Variants in MACROD2 observed in about 807,000 individuals in gnomAD.
The protein encoded by MACROD2 is ADP-ribose glycohydrolase MACROD2.
A neutral mutation model predicts 70.4 loss-of-function variants in MACROD2; 36 were observed. The ratio of observed to expected loss-of-function variants is 0.51; its 90% CI spans 0.39 to 0.68. The LOEUF is 0.68. Among genes scored for constraint, MACROD2 ranks in the 30% least tolerant of loss-of-function variants. MACROD2 has a pLI of 0.00. For synonymous variants in MACROD2, 172 were observed against 178.8 expected, an observed-to-expected ratio of 0.96 and a Z score of 0.30; for missense variants, 496 against 538.4, an observed-to-expected ratio of 0.92 and a Z score of 0.78.
At chr20:15,925,401 A>C (rs1162829794) in intron 10 of MACROD2, among the ~76,000 whole-genome samples, 1 of 152,238 alleles carries the variant, frequency 6.6e-6, no homozygotes, top group Non-Finnish European at 1.5e-5. Context: ...TTTATAAAGT[A>C]CTTGGAAATC....
chr20:15,174,497 A>G lies in MACROD2; in HGVS notation c.419-55443A>G, dbSNP rs1321838812. On this transcript the variant is annotated intron_variant, in intron 5 of 17. Transcript: ENST00000684519. ...ATGTGTCTTTATAGCAGCATGATTT[A>G]TAGTCCTTTGGGTATATGCCCAGTA... 2.6e-5 allele frequency among the ~76,000 whole-genome samples: 4 copies of G among 152,170 alleles called. No individual in the cohort carries two copies. The East Asian group carries it at 5.8e-4, about 22-fold the overall frequency.
intron 6 of MACROD2, among the ~76,000 whole-genome samples, chr20:15,313,185 G>A (rs1019100238): frequency 1.3e-5 from 2 of 151,972 alleles, no homozygotes; most frequent in Non-Finnish European, 2.9e-5. Context: ...AGTTTTCACT[G>A]AAAAAATGGA....
intron 4 of MACROD2, among the ~76,000 whole-genome samples, chr20:14,542,353 A>C (rs1568662131): frequency 6.6e-6 from 1 of 152,208 alleles, no homozygotes; most frequent in Non-Finnish European, 1.5e-5. Flanking sequence ...TTAAGGAAAA[A>C]CTATGTTCTT....
At chr20:15,492,385 G>A (rs1053643072) in intron 7 of MACROD2, among the ~76,000 whole-genome samples, 1 of 152,132 alleles carries the variant, frequency 6.6e-6, no homozygotes, top group African/African-American at 2.4e-5. Context: ...TCCCGTGCAT[G>A]GTAGGGTGTG....
chr20:14,737,595 C>T (rs1455243396), intron 5 of MACROD2, among the ~76,000 whole-genome samples: 2 of 152,194 alleles, frequency 1.3e-5, no homozygotes, highest in African/African-American at 4.8e-5. Context: ...TCCTATTTCT[C>T]CACATCCTCT....
Position 15,212,513 on chromosome 20 carries a change from C to T in MACROD2, c.419-17427C>T, listed in dbSNP as rs138206116. Among the ~76,000 whole-genome samples, 29 of 152,260 alleles carry T rather than the reference C, an allele frequency of 1.9e-4. No individual in the cohort carries two copies. The East Asian group carries it at 5.6e-3, about 29-fold the overall frequency. ...TACTTTTGGACAAGTTTTGCTTCCA[C>T]ATGGAAGGATTTAAAATGATAGCTT... is the stretch of plus-strand genomic sequence containing the variant. On this transcript the variant is annotated intron_variant, in intron 5 of 17. Coordinates refer to ENST00000684519, the MANE Select transcript of MACROD2 (RefSeq NM_001351661.2).
At chr20:14,630,242 G>A (rs1173318827) in intron 4 of MACROD2, among the ~76,000 whole-genome samples, 1 of 152,090 alleles carries the variant, frequency 6.6e-6, no homozygotes, top group Non-Finnish European at 1.5e-5. Flanking sequence ...GTAATTGGGG[G>A]ATCTGGGTCA....
chr20:14,769,351 A>G (rs1317924748), intron 5 of MACROD2, among the ~76,000 whole-genome samples: 3 of 152,264 alleles, frequency 2.0e-5, no homozygotes, highest in African/African-American at 7.2e-5. Context: ...CTGTCTTGGC[A>G]GGAAGAGAAA....
intron 3 of MACROD2, among the ~76,000 whole-genome samples, chr20:14,366,483 C>T (rs1292014138): frequency 2.0e-5 from 3 of 151,678 alleles, no homozygotes; most frequent in African/African-American, 7.3e-5. Flanking sequence ...TCCCTTGCCT[C>T]AGCCTCCCAA....
chr20:15,374,043 G>A (rs912576175), intron 6 of MACROD2, among the ~76,000 whole-genome samples: 4 of 151,812 alleles, frequency 2.6e-5, no homozygotes, highest in African/African-American at 9.7e-5. Flanking sequence ...GTCAACTCTG[G>A]AAAATGCTCA....
intron 8 of MACROD2, among the ~76,000 whole-genome samples, chr20:15,683,987 C>T (rs2050194423): frequency 1.3e-5 from 2 of 152,108 alleles, no homozygotes; most frequent in African/African-American, 4.8e-5. Context: ...CTTCTTCCTA[C>T]CACCCAAATG....
At chr20:15,377,277 C>T (rs542656339) in intron 6 of MACROD2, among the ~76,000 whole-genome samples, 9 of 152,052 alleles carry the variant, frequency 5.9e-5, no homozygotes, top group African/African-American at 2.2e-4. Context: ...AGTTAGATTT[C>T]TAGAGTCTCT....
chr20:14,708,713 G>A (rs941848075), intron 5 of MACROD2, among the ~76,000 whole-genome samples: 16 of 152,236 alleles, frequency 1.1e-4, no homozygotes, highest in African/African-American at 3.9e-4. Context: ...CCCCTCCCAC[G>A]TTCAAGCGAT....
chr20:14,851,008 G>C (rs1243562885), intron 5 of MACROD2, among the ~76,000 whole-genome samples: 1 of 151,886 alleles, frequency 6.6e-6, no homozygotes, highest in Non-Finnish European at 1.5e-5. Flanking sequence ...TGTTGTGATA[G>C]GACATACCTT....
intron 13 of MACROD2, among the ~76,000 whole-genome samples, chr20:15,972,932 T>C (rs888667571): frequency 1.3e-5 from 2 of 152,078 alleles, no homozygotes; most frequent in Non-Finnish European, 2.9e-5. Context: ...TGAAAGCATA[T>C]ATTATTTATT....
chr20:15,892,526 C>T (rs890292567), intron 10 of MACROD2, among the ~76,000 whole-genome samples: 3 of 152,140 alleles, frequency 2.0e-5, no homozygotes, highest in Non-Finnish European at 4.4e-5. Flanking sequence ...TTCCTCTAGC[C>T]CTGCGTTCAG....
intron 8 of MACROD2, among the ~76,000 whole-genome samples, chr20:15,825,843 G>A (rs1409284722): frequency 6.6e-6 from 1 of 152,024 alleles, no homozygotes; most frequent in Non-Finnish European, 1.5e-5. Context: ...AGTGATGTAT[G>A]TAGATGTATG....
chr20:16,025,465 T>C (rs1392894787), intron 15 of MACROD2, among the ~76,000 whole-genome samples: 1 of 152,208 alleles, frequency 6.6e-6, no homozygotes, highest in African/African-American at 2.4e-5. Context: ...AAAAGCAATT[T>C]TCAGCAGGCA....
intron 6 of MACROD2, among the ~76,000 whole-genome samples, chr20:15,292,045 G>GT (rs2077545097): frequency 6.6e-6 from 1 of 152,016 alleles, no homozygotes; most frequent in African/African-American, 2.4e-5. Flanking sequence ...TTGTTGCTTT[G>GT]TTTTTTGTTT....
Sources: gnomAD v4.1 joint callset for allele counts (sites outside exome capture counted in the v4.1 genomes callset) on GRCh38, gnomAD v4.1.1 for gene constraint, MANE v1.5 for transcripts, NCBI Gene and HGNC (gene_info 2026-07-23, HGNC 2026-07-21) for gene names.